The following USH1C variants were observed in gnomAD, a reference collection of about 807,000 sequenced individuals.
The protein encoded by USH1C is USH1 protein network component harmonin.
Under a neutral mutation model 119.3 loss-of-function variants are expected in USH1C, and 90 were observed. That is an observed-to-expected ratio of 0.75 (90% confidence interval 0.64 to 0.90). The LOEUF is 0.90. Ranked by LOEUF, USH1C falls within the 40% of genes least tolerant of loss-of-function variation. The probability of loss-of-function intolerance (pLI) is 0.00; values close to 1 mark genes in which losing one functional copy is unlikely to be tolerated. For synonymous variants in USH1C, 465 were observed against 443.3 expected, an observed-to-expected ratio of 1.05 and a Z score of -0.62; for missense variants, 1,165 against 1,167.7, an observed-to-expected ratio of 1.00 and a Z score of 0.03.
intron 20 of USH1C, 168 bp from the exon 21 acceptor site, chr11:17,502,148 A>G (rs1392888443): frequency 3.9e-5 from 24 of 616,286 alleles, no homozygotes; most frequent in Non-Finnish European, 6.8e-5. Context: ...CAGCCCTAGC[A>G]GCCAGGGCAC....
At chr11:17,528,739 G>A (rs139575513) in intron 4 of USH1C, among the ~76,000 whole-genome samples, 31 of 152,224 alleles carry the variant, frequency 2.0e-4, no homozygotes, top group African/African-American at 7.0e-4. Context: ...CTCCCACTCC[G>A]GGACACAGAC....
rs533426110 is a variant in USH1C at position 17,494,580 on chromosome 11, G to C, written c.2656-204C>G. The stretch of plus-strand genomic sequence containing the variant: ...ACACAGGAGGCCAGGGAGAAAGCGG[G>C]AGGGACACCTGGGATGGGGGAAGGA... On this transcript the variant is annotated intron_variant, in intron 26 of 26. Coordinates refer to ENST00000005226, the MANE Select transcript of USH1C (RefSeq NM_153676.4). 6.3e-6 allele frequency: 4 copies of C among 635,158 alleles called. No homozygotes were observed. The Admixed American group carries it at 7.1e-5, about 11-fold the overall frequency. 39.3% of individuals were successfully genotyped at this position (635,158 alleles called of 1,614,324 possible). A position where few individuals can be genotyped will look rare whatever the true frequency, so the allele number is the denominator to read the frequency against.
At chr11:17,503,143 T>C (rs1288035822) in intron 20 of USH1C, among the ~76,000 whole-genome samples, 4 of 152,152 alleles carry the variant, frequency 2.6e-5, no homozygotes, top group Non-Finnish European at 2.9e-5. Flanking sequence ...GGCCATGAGC[T>C]CGGCTCAGCT....
In USH1C at chr11:17,527,110, TGACCTGCTCCCCCGCCCTCCCTCCCTCC is replaced by T. The variant is rs2133898311; in HGVS notation, c.496+85_497-71del. 79 of 1,060,626 alleles carry T rather than the reference TGACCTGCTCCCCCGCCCTCCCTCCCTCC, an allele frequency of 7.4e-5. No individual in the cohort carries two copies. The East Asian group carries it at 4.6e-3, about 61-fold the overall frequency. The allele number at this position is 1,060,626 out of a possible 1,614,324, so 65.7% of individuals were successfully genotyped here. A position where few individuals can be genotyped will look rare whatever the true frequency, so the allele number is the denominator to read the frequency against. ...CCTCCCTCCCACCGTCATGGAGTAC[TGACCTGCTCCCCCGCCCTCCCTCCCTCC>T]CACCGTCATGGAGTACTGCCCTGCT... On this transcript the variant is annotated intron_variant, in intron 5 of 26. Transcript: ENST00000005226.
intron 23 of USH1C, 149 bp from the exon 24 acceptor site, chr11:17,498,420 A>G: frequency 1.3e-6 from 1 of 786,546 alleles, no homozygotes; most frequent in South Asian, 1.4e-5. Flanking sequence ...GCATGAGGGG[A>G]AACTAGCCAC....
At chr11:17,522,743 G>A (rs756046029) in intron 12 of USH1C, 41 bp downstream of exon 12, 11 of 1,612,936 alleles carry the variant, frequency 6.8e-6, no homozygotes, top group Non-Finnish European at 9.3e-6. Flanking sequence ...GTGTGGTGGG[G>A]TGGGAGGCGG....
chr11:17,524,683 T>C (rs1850579128), intron 8 of USH1C, 148 bp from the exon 9 acceptor site: 2 of 879,260 alleles, frequency 2.3e-6, no homozygotes, highest in Non-Finnish European at 3.6e-6. Flanking sequence ...TTTCTACTGC[T>C]ACCCTGGGCA....
chr11:17,509,812 C>T lies in USH1C; in HGVS notation c.1557G>A (p.Pro519=), dbSNP rs1345367368. ...SEMTTGPPPP[P]PSVSPLAPPL... ...GTGGGGCCAGGGGAGACACAGAAGGCGGGGGAGGCGGGGGCCCTGTGGTCA... is the reference window on the plus strand; with the variant it reads ...GTGGGGCCAGGGGAGACACAGAAGGTGGGGGAGGCGGGGGCCCTGTGGTCA... Residue 519 remains proline, a synonymous_variant, in exon 18 of 27, where the codon CCG becomes CCA. Coordinates refer to ENST00000005226, the MANE Select transcript of USH1C (RefSeq NM_153676.4). 1.9e-5 allele frequency: 25 copies of T among 1,336,040 alleles called. No individual in the cohort carries two copies. The highest frequency in any genetic ancestry group is 2.0e-4 in the Middle Eastern group (1 of 4,970). 82.8% of individuals were successfully genotyped at this position (1,336,040 alleles called of 1,614,324 possible).
At chr11:17,511,811 GAAC>G in intron 16 of USH1C, 88 bp downstream of exon 16, 1 of 1,485,410 alleles carries the variant, frequency 6.7e-7, no homozygotes, top group South Asian at 1.3e-5. Flanking sequence ...CATTTGAGGA[GAAC>G]AACTCCAGCT....
At position 17,501,375 on chromosome 11, in the gene USH1C, TGAGAGACCACCCAG is replaced by T. The variant is rs1274044211; in HGVS notation, c.2280+93_2280+106del. 4 of 1,365,222 alleles carry T rather than the reference TGAGAGACCACCCAG, an allele frequency of 2.9e-6. No homozygotes were observed. The East Asian group carries it at 7.4e-5, about 25-fold the overall frequency. 84.6% of individuals were successfully genotyped at this position (1,365,222 alleles called of 1,614,324 possible). A position where few individuals can be genotyped will look rare whatever the true frequency, so the allele number is the denominator to read the frequency against. On this transcript the variant is annotated intron_variant, in intron 22 of 26. Coordinates refer to ENST00000005226, the MANE Select transcript of USH1C (RefSeq NM_153676.4). ...GGGAGAGGGGAGGACAGTGGGGACC[TGAGAGACCACCCAG>T]GAGTGACCTTGAGAGTAGAGGCAGG...
intron 21 of USH1C, 127 bp from the exon 22 acceptor site, chr11:17,501,662 G>A (rs1441562094): frequency 1.8e-5 from 21 of 1,143,496 alleles, no homozygotes; most frequent in South Asian, 1.1e-4. Flanking sequence ...CAAGGGGACC[G>A]TGCCCAGCCC....
intron 9 of USH1C, 108 bp downstream of exon 9, chr11:17,524,343 C>A (rs1375080689): frequency 8.3e-7 from 1 of 1,198,276 alleles, no homozygotes; most frequent in Non-Finnish European, 1.2e-6. Flanking sequence ...CCCTCAGTGT[C>A]CACTGAAAGA....
chr11:17,513,199 C>T (rs1849969446), intron 15 of USH1C, among the ~76,000 whole-genome samples: 3 of 152,062 alleles, frequency 2.0e-5, no homozygotes, highest in Admixed American at 2.0e-4. Flanking sequence ...GCAAGGGAAA[C>T]ACGGCAGGAG....
chr11:17,531,682 T>G lies in USH1C; in HGVS notation c.105-140A>C. On this transcript the variant is annotated intron_variant, in intron 2 of 26. Coordinates refer to ENST00000005226, the MANE Select transcript of USH1C (RefSeq NM_153676.4). This position sits in a 1 kb window ranked among gnomAD's most constrained non-coding sequence, Gnocchi z 4.2. ...ACCACTCCTGAAAAGCCCAGAGCTC[T>G]TCACACCGGGCCAGTGCCTGAGAAG... is the stretch of plus-strand genomic sequence containing the variant. The G allele has an allele frequency of 9.1e-7, 1 of 1,100,400 alleles. No homozygotes were observed. The highest frequency in any genetic ancestry group is 1.3e-6 in the Non-Finnish European group (1 of 760,054). The allele number at this position is 1,100,400 out of a possible 1,614,324, so 68.2% of individuals were successfully genotyped here.
intron 20 of USH1C, among the ~76,000 whole-genome samples, chr11:17,503,735 T>G (rs1158052362): frequency 1.3e-5 from 2 of 152,202 alleles, no homozygotes; most frequent in African/African-American, 4.8e-5. Flanking sequence ...GGATTGACAT[T>G]AGCTGTGCCA....
At chr11:17,506,507 A>C (rs1849654282) in intron 18 of USH1C, among the ~76,000 whole-genome samples, 1 of 151,074 alleles carries the variant, frequency 6.6e-6, no homozygotes, top group Admixed American at 6.6e-5. Flanking sequence ...CTGCCCCCAA[A>C]CCCTCCCCAG....
At chr11:17,533,435 G>A (rs1851087096) in intron 1 of USH1C, 113 bp from the exon 2 acceptor site, 1 of 784,158 alleles carries the variant, frequency 1.3e-6, no homozygotes, top group Non-Finnish European at 2.2e-6. Context: ...TTCAGGGCTG[G>A]AGTTGTGAGG....
At chr11:17,507,581 T>C (rs1849700214) in intron 18 of USH1C, among the ~76,000 whole-genome samples, 1 of 152,254 alleles carries the variant, frequency 6.6e-6, no homozygotes, top group African/African-American at 2.4e-5. Flanking sequence ...TGCCTGCCAC[T>C]CTTGCCATTC....
At chr11:17,512,809 G>T (rs1849952636) in intron 15 of USH1C, among the ~76,000 whole-genome samples, 1 of 152,192 alleles carries the variant, frequency 6.6e-6, no homozygotes, top group South Asian at 2.1e-4. Context: ...GGCATGGAGA[G>T]AATGGCTTAA....
Sources: allele counts gnomAD v4.1 joint callset (sites outside exome capture counted in the v4.1 genomes callset), GRCh38; gene constraint gnomAD v4.1.1; non-coding constraint Gnocchi (gnomAD v3.1); transcripts MANE v1.5; gene names NCBI Gene and HGNC (gene_info 2026-07-23, HGNC 2026-07-21).